The following LAPTM4B variants were observed in gnomAD, a reference collection of about 807,000 sequenced individuals.
LAPTM4B encodes the protein lysosomal-associated transmembrane protein 4B.
A neutral mutation model predicts 28.5 loss-of-function variants in LAPTM4B; 26 were observed. The observed-to-expected ratio is 0.91, with a 90% CI of 0.67 to 1.27. The LOEUF (loss-of-function observed/expected upper bound fraction) is 1.27. Ranked by LOEUF, LAPTM4B falls within the 50% of genes most tolerant of loss-of-function variation. The pLI is 0.00. For missense variants in LAPTM4B, 288 were observed against 285.8 expected (o/e 1.01, Z -0.06); for synonymous variants, 109 against 106.4 (o/e 1.02, Z -0.15).
At chr8:97,781,531 G>A (rs1236552728) in intron 1 of LAPTM4B, among the ~76,000 whole-genome samples, 1 of 151,904 alleles carries the variant, frequency 6.6e-6, no homozygotes, top group African/African-American at 2.4e-5. Context: ...GCCCGCCTCG[G>A]CCTCCCACAG....
In LAPTM4B at chr8:97,829,403, G is replaced by T. The variant is rs1817144528; in HGVS notation, c.603+4250G>T. ...TTAAAGACTGTTTGTGATGAGAGTG[G>T]GACTGGAATGCTCCAATTTTCTGGT... is the stretch of plus-strand genomic sequence containing the variant. On this transcript the variant is annotated intron_variant, in intron 6 of 6. Transcript: ENST00000521545. Among the ~76,000 whole-genome samples the T allele has an allele frequency of 3.9e-5, 6 of 152,076 alleles. No homozygotes were observed. In the South Asian group the frequency reaches 1.2e-3, roughly 32 times the overall value.
intron 6 of LAPTM4B, among the ~76,000 whole-genome samples, chr8:97,843,732 T>C (rs1365763627): frequency 6.6e-6 from 1 of 151,970 alleles, no homozygotes; most frequent in Non-Finnish European, 1.5e-5. Context: ...TGAGCCAAGA[T>C]TGCAGCATTG....
At chr8:97,783,936 T>G (rs779691500) in intron 1 of LAPTM4B, among the ~76,000 whole-genome samples, 1 of 152,144 alleles carries the variant, frequency 6.6e-6, no homozygotes, top group Non-Finnish European at 1.5e-5. Context: ...ATCAGTTTGT[T>G]TATTAGACTC....
intron 6 of LAPTM4B, among the ~76,000 whole-genome samples, chr8:97,834,272 C>G (rs1298909290): frequency 6.6e-6 from 1 of 152,042 alleles, no homozygotes; most frequent in Non-Finnish European, 1.5e-5. Flanking sequence ...CCACTGCACT[C>G]CAGCCTAGGT....
chr8:97,820,086 G>T (rs1816980600), intron 5 of LAPTM4B, among the ~76,000 whole-genome samples: 1 of 152,008 alleles, frequency 6.6e-6, no homozygotes, highest in South Asian at 2.1e-4. Flanking sequence ...CCTTTGATAG[G>T]TTGTCAAATT....
At chr8:97,811,239 G>C (rs1816821085) in intron 2 of LAPTM4B, among the ~76,000 whole-genome samples, 1 of 152,094 alleles carries the variant, frequency 6.6e-6, no homozygotes, top group Admixed American at 6.5e-5. Context: ...TCCACTCCTT[G>C]ATATACGTAC....
chr8:97,824,412 A>G (rs1007067764), intron 5 of LAPTM4B, among the ~76,000 whole-genome samples: 1 of 152,190 alleles, frequency 6.6e-6, no homozygotes. Context: ...TTCTAATCCA[A>G]TTACACATGA....
At chr8:97,834,043 C>T (rs191740808) in intron 6 of LAPTM4B, among the ~76,000 whole-genome samples, 22 of 151,596 alleles carry the variant, frequency 1.5e-4, no homozygotes, top group East Asian at 5.8e-4. Flanking sequence ...GATGAAAACT[C>T]GCAGTGGCTC....
At chr8:97,793,921 C>T (rs1322964599) in intron 1 of LAPTM4B, among the ~76,000 whole-genome samples, 6 of 152,166 alleles carry the variant, frequency 3.9e-5, no homozygotes, top group Admixed American at 1.3e-4. Context: ...TTAACTCTCA[C>T]CCCAGCCTGC....
intron 5 of LAPTM4B, among the ~76,000 whole-genome samples, chr8:97,824,600 T>A (rs189622594): frequency 1.3e-5 from 2 of 152,324 alleles, no homozygotes; most frequent in East Asian, 3.9e-4. Context: ...GCTATGAAAT[T>A]TTTAAAAAAA....
At chr8:97,823,045 G>T (rs150331757) in intron 5 of LAPTM4B, among the ~76,000 whole-genome samples, 1 of 151,966 alleles carries the variant, frequency 6.6e-6, no homozygotes. Flanking sequence ...GTTTCATCGC[G>T]TTAGCCAGGG....
intron 5 of LAPTM4B, among the ~76,000 whole-genome samples, chr8:97,820,161 G>A (rs36007296): frequency 0.46 from 69,529 of 151,928 alleles, 16,289 homozygotes; most frequent in East Asian, 0.57. Context: ...TCAATCAATT[G>A]CTGCAAATTC....
At chr8:97,793,868 A>G (rs1213018937) in intron 1 of LAPTM4B, among the ~76,000 whole-genome samples, 1 of 152,126 alleles carries the variant, frequency 6.6e-6, no homozygotes, top group Non-Finnish European at 1.5e-5. Flanking sequence ...GAGCAGTGGC[A>G]CCATCATAGC....
chr8:97,851,290 C>T lies in LAPTM4B; in HGVS notation c.604-107C>T, dbSNP rs1007719760. 62 of 877,318 alleles carry T rather than the reference C, an allele frequency of 7.1e-5. 1 individual carries two copies. The highest frequency in any genetic ancestry group is 1.1e-4 in the Non-Finnish European group (57 of 523,856). The allele number at this position is 877,318 out of a possible 1,614,324, so 54.3% of individuals were successfully genotyped here. On this transcript the variant is annotated intron_variant, in intron 6 of 6. Transcript: ENST00000521545. The stretch of plus-strand genomic sequence containing the variant: ...ACTTGCTAGAAAATTGAACTTGGTA[C>T]AAGTTGTGGAACATGTTTAGTTGCA...
chr8:97,833,772 A>G (rs1268649818), intron 6 of LAPTM4B, among the ~76,000 whole-genome samples: 1 of 152,176 alleles, frequency 6.6e-6, no homozygotes, highest in East Asian at 1.9e-4. Flanking sequence ...TCTTTTTGGA[A>G]GTCAAGAACC....
At chr8:97,846,600 T>C (rs1325299035) in intron 6 of LAPTM4B, among the ~76,000 whole-genome samples, 1 of 152,234 alleles carries the variant, frequency 6.6e-6, no homozygotes, top group Non-Finnish European at 1.5e-5. Context: ...GTACTGGAAT[T>C]ACAGGCGTGA....
At chr8:97,834,267 G>A (rs748316756) in intron 6 of LAPTM4B, among the ~76,000 whole-genome samples, 1 of 152,066 alleles carries the variant, frequency 6.6e-6, no homozygotes. Context: ...TCGTGCCACT[G>A]CACTCCAGCC....
At chr8:97,839,286 CCA>C (rs1817310245) in intron 6 of LAPTM4B, among the ~76,000 whole-genome samples, 1 of 152,134 alleles carries the variant, frequency 6.6e-6, no homozygotes. Context: ...CCTCCACCTC[CCA>C]GTTCAAGCGA....
intron 1 of LAPTM4B, among the ~76,000 whole-genome samples, chr8:97,798,524 C>T (rs965195148): frequency 3.3e-5 from 5 of 152,010 alleles, no homozygotes; most frequent in Non-Finnish European, 4.4e-5. Context: ...TGGACGGCCT[C>T]GCGAAGAACC....
Sources: allele counts gnomAD v4.1 joint callset (sites outside exome capture counted in the v4.1 genomes callset), GRCh38; gene constraint gnomAD v4.1.1; transcripts MANE v1.5; gene names NCBI Gene and HGNC (gene_info 2026-07-23, HGNC 2026-07-21).